The following PLPPR1 variants were observed in gnomAD, a reference collection of about 807,000 sequenced individuals.
PLPPR1 encodes the protein phospholipid phosphatase related 1.
In PLPPR1, 10 loss-of-function variants were observed where a neutral mutation model predicts 33.1. The ratio of observed to expected loss-of-function variants is 0.30; its 90% CI spans 0.19 to 0.51. The LOEUF (loss-of-function observed/expected upper bound fraction) is 0.51. PLPPR1 is among the 20% of genes least tolerant of loss of function. The pLI is 0.97. For synonymous variants in PLPPR1, 151 were observed against 151.0 expected (o/e 1.00, Z 0.00); for missense variants, 304 against 408.1 (o/e 0.74, Z 2.20).
Position 101,107,769 on chromosome 9 carries a change from A to G in PLPPR1, c.-45-77681A>G, listed in dbSNP as rs182374571. 6.0e-4 allele frequency among the ~76,000 whole-genome samples: 80 copies of G among 133,954 alleles called. No homozygotes were observed. The Middle Eastern group carries it at 0.015, about 25-fold the overall frequency. 87.9% of individuals were successfully genotyped at this position (133,954 alleles called of 152,430 possible). ...CAGCCTCGTTGCCGCCTTGCAGTTT[A>G]ATCTCAGACTGCTGTGCTAGCAATC... is the stretch of plus-strand genomic sequence containing the variant. On this transcript the variant is annotated intron_variant, in intron 1 of 7. Transcript: ENST00000374874.
At chr9:101,192,154 G>A (rs1190034659) in intron 2 of PLPPR1, among the ~76,000 whole-genome samples, 1 of 152,080 alleles carries the variant, frequency 6.6e-6, no homozygotes, top group Non-Finnish European at 1.5e-5. Flanking sequence ...GTGTGTCTCA[G>A]GTTTTGAAAA....
In PLPPR1 at chr9:101,095,219, T is replaced by C. The variant is rs114563705; in HGVS notation, c.-46+66117T>C. Among the ~76,000 whole-genome samples the C allele has an allele frequency of 9.6e-3, 1,469 of 152,240 alleles. 21 individuals are homozygous for C. The highest frequency in any genetic ancestry group is 0.033 in the African/African-American group (1,386 of 41,534). On this transcript the variant is annotated intron_variant, in intron 1 of 7. Coordinates refer to ENST00000374874, the MANE Select transcript of PLPPR1 (RefSeq NM_207299.2). ...ATGGTACTTTAGACTGAATCCCTAT[T>C]CCAAGATTTTATTTGAATAACATCT...
chr9:101,221,261 A>C (rs949620243), intron 2 of PLPPR1, among the ~76,000 whole-genome samples: 3 of 151,432 alleles, frequency 2.0e-5, no homozygotes, highest in African/African-American at 7.3e-5. Flanking sequence ...CTTCCCCCCA[A>C]GTCTCCAAAA....
At chr9:101,038,960 C>A (rs1830044246) in intron 1 of PLPPR1, among the ~76,000 whole-genome samples, 1 of 152,056 alleles carries the variant, frequency 6.6e-6, no homozygotes, top group Non-Finnish European at 1.5e-5. Context: ...GGAGAGTGTT[C>A]ATCTGTAAAC....
chr9:101,269,806 G>A, intron 2 of PLPPR1, 74 bp from the exon 3 acceptor site: 2 of 1,393,222 alleles, frequency 1.4e-6, no homozygotes, highest in Non-Finnish European at 2.0e-6. Context: ...GGTGATGGAG[G>A]GAGTGTGCTC....
At chr9:101,244,512 G>T (rs888555071) in intron 2 of PLPPR1, among the ~76,000 whole-genome samples, 3 of 151,688 alleles carry the variant, frequency 2.0e-5, no homozygotes, top group Admixed American at 6.6e-5. Flanking sequence ...GCATCACCCA[G>T]TATCTGAGCA....
chr9:101,070,981 AAT>A (rs142896480), intron 1 of PLPPR1, among the ~76,000 whole-genome samples: 5,115 of 152,224 alleles, frequency 0.034, 154 homozygotes, highest in East Asian at 0.081. Context: ...GGGATTGTGA[AAT>A]ATCAGTCAAA....
At chr9:101,293,620 A>C in intron 4 of PLPPR1, among the ~76,000 whole-genome samples, 1 of 152,220 alleles carries the variant, frequency 6.6e-6, no homozygotes. Context: ...ACCACAGTGC[A>C]ATCAAACTAG....
At chr9:101,071,586 A>C (rs555654019) in intron 1 of PLPPR1, among the ~76,000 whole-genome samples, 1 of 145,618 alleles carries the variant, frequency 6.9e-6, no homozygotes, top group Non-Finnish European at 1.5e-5. Flanking sequence ...AAATCATGTG[A>C]GAGCAATGGG....
intron 1 of PLPPR1, among the ~76,000 whole-genome samples, chr9:101,130,385 G>C (rs1252697864): frequency 6.6e-6 from 1 of 152,072 alleles, no homozygotes; most frequent in African/African-American, 2.4e-5. Context: ...ATAACCCCAG[G>C]AAAGTTACTC....
At chr9:101,281,274 A>G (rs1828298985) in intron 3 of PLPPR1, among the ~76,000 whole-genome samples, 1 of 152,106 alleles carries the variant, frequency 6.6e-6, no homozygotes, top group Admixed American at 6.6e-5. Flanking sequence ...GGACACAAAA[A>G]ATTAAAAGAC....
intron 1 of PLPPR1, among the ~76,000 whole-genome samples, chr9:101,151,973 A>G (rs1473605717): frequency 6.6e-6 from 1 of 152,206 alleles, no homozygotes; most frequent in African/African-American, 2.4e-5. Context: ...GAATCGCCAC[A>G]CTGTCTTCCA....
chr9:101,046,698 C>A (rs553811539), intron 1 of PLPPR1, among the ~76,000 whole-genome samples: 19 of 152,168 alleles, frequency 1.2e-4, no homozygotes, highest in African/African-American at 4.3e-4. Context: ...CTGCCTCGGC[C>A]TCCCAAAGTG....
At chr9:101,131,656 C>T (rs1027187190) in intron 1 of PLPPR1, 1 of 152,206 alleles carries the variant, frequency 6.6e-6, no homozygotes, top group African/African-American at 2.4e-5. Flanking sequence ...CAACACTTAC[C>T]TTCTTTTTCT....
intron 7 of PLPPR1, among the ~76,000 whole-genome samples, chr9:101,318,394 A>C (rs1460290412): frequency 2.0e-5 from 3 of 152,218 alleles, no homozygotes; most frequent in African/African-American, 7.2e-5. Context: ...GACAATTGCT[A>C]GGAGCTTTAC....
intron 1 of PLPPR1, among the ~76,000 whole-genome samples, chr9:101,053,062 C>T (rs1240936083): frequency 6.6e-6 from 1 of 152,184 alleles, no homozygotes; most frequent in Non-Finnish European, 1.5e-5. Context: ...TTTGATATCT[C>T]CACTCAGAAG....
chr9:101,139,548 T>C (rs1489360502), intron 1 of PLPPR1, among the ~76,000 whole-genome samples: 1 of 152,192 alleles, frequency 6.6e-6, no homozygotes, highest in East Asian at 1.9e-4. Context: ...TAGGTTCCTT[T>C]TCCCCTTCAG....
chr9:101,134,157 T>C (rs1330788064), intron 1 of PLPPR1, among the ~76,000 whole-genome samples: 1 of 152,222 alleles, frequency 6.6e-6, no homozygotes, highest in Non-Finnish European at 1.5e-5. Context: ...TGTATAAAGA[T>C]GAAGTTGGCA....
chr9:101,187,982 C>T (rs1381346399), intron 2 of PLPPR1: 1 of 151,922 alleles, frequency 6.6e-6, no homozygotes, highest in African/African-American at 2.4e-5. Flanking sequence ...TGTATATATT[C>T]ATAAATATTT....
Sources: allele counts gnomAD v4.1 joint callset (sites outside exome capture counted in the v4.1 genomes callset), GRCh38; gene constraint gnomAD v4.1.1; transcripts MANE v1.5; gene names NCBI Gene and HGNC (gene_info 2026-07-23, HGNC 2026-07-21).